The following ABLIM1 variants were observed in gnomAD, a reference collection of about 807,000 sequenced individuals.
The protein encoded by ABLIM1 is actin-binding LIM protein 1.
In ABLIM1, 40 loss-of-function variants were observed where a neutral mutation model predicts 107.0. The observed-to-expected ratio is 0.37, with a 90% CI of 0.29 to 0.49. The LOEUF (loss-of-function observed/expected upper bound fraction) is 0.49, where lower values mean the gene tolerates loss of function less well. Among genes scored for constraint, ABLIM1 ranks in the 20% least tolerant of loss-of-function variants. The pLI is 0.97. For missense variants in ABLIM1, 857 were observed against 1,008.5 expected, an observed-to-expected ratio of 0.85 and a Z score of 2.04; for synonymous variants, 357 against 357.3, an observed-to-expected ratio of 1.00 and a Z score of 0.01.
intron 12 of ABLIM1, among the ~76,000 whole-genome samples, chr10:114,463,886 AAAT>A (rs2064512017): frequency 6.6e-6 from 1 of 152,202 alleles, no homozygotes; most frequent in African/African-American, 2.4e-5. Context: ...GCAGCCTTCA[AAAT>A]AATAACTTTA....
chr10:114,519,167 C>T (rs1436896431), intron 6 of ABLIM1, among the ~76,000 whole-genome samples: 4 of 152,168 alleles, frequency 2.6e-5, no homozygotes, highest in South Asian at 2.1e-4. Flanking sequence ...CACTGAGCTG[C>T]TCTGAGGTCT....
At chr10:114,493,889 C>A (rs1295991399) in intron 6 of ABLIM1, among the ~76,000 whole-genome samples, 1 of 152,194 alleles carries the variant, frequency 6.6e-6, no homozygotes, top group African/African-American at 2.4e-5. Context: ...TCTCTATAGA[C>A]CTTGACAGGC....
At chr10:114,503,526 T>C (rs553255074) in intron 6 of ABLIM1, among the ~76,000 whole-genome samples, 1 of 152,164 alleles carries the variant, frequency 6.6e-6, no homozygotes, top group Non-Finnish European at 1.5e-5. Flanking sequence ...TTTTGGTAAA[T>C]TATATACATA....
At chr10:114,780,430 G>T in the ABLIM1 span, among the ~76,000 whole-genome samples, 1 of 152,266 alleles carries the variant, frequency 6.6e-6, no homozygotes, top group African/African-American at 2.4e-5. Flanking sequence ...AAAAGGGCTG[G>T]GGAAGCAGAC....
At chr10:114,467,476 T>G (rs2065424629) in intron 11 of ABLIM1, among the ~76,000 whole-genome samples, 1 of 152,216 alleles carries the variant, frequency 6.6e-6, no homozygotes, top group Non-Finnish European at 1.5e-5. Context: ...GGGGAAACTT[T>G]GGCTTGATAC....
intron 1 of ABLIM1, among the ~76,000 whole-genome samples, chr10:114,626,710 A>G (rs1478233732): frequency 1.3e-5 from 2 of 152,142 alleles, no homozygotes; most frequent in African/African-American, 4.8e-5. Context: ...AAACTCATCT[A>G]TTGAAGTCCG....
rs928951659 is a variant in ABLIM1, at chr10:114,629,867, G to A, written c.245-27906C>T. ...ACAAACAAACAAACAAAAATGAAAC[G>A]AAACGAAACAAACCTGCCTTTCTCT... On this transcript the variant is annotated intron_variant, in intron 1 of 22. Transcript: ENST00000533213. The surrounding 1 kb of genome is among the most constrained non-coding windows in gnomAD (Gnocchi z 4.0). 2.6e-5 allele frequency among the ~76,000 whole-genome samples: 4 copies of A among 152,088 alleles called. No homozygotes were observed. Among genetic ancestry groups the A allele is most frequent in the African/African-American group, 4.8e-5 (2 of 41,390 alleles).
chr10:114,556,236 C>T (rs2068712953), intron 4 of ABLIM1, among the ~76,000 whole-genome samples: 2 of 152,100 alleles, frequency 1.3e-5, no homozygotes, highest in South Asian at 2.1e-4. Context: ...TCATTCTATC[C>T]GAAAGAGAAA....
chr10:114,712,353 G>GAAAAAAAA (rs10583793), intron 1 of ABLIM1, among the ~76,000 whole-genome samples: 4 of 44,094 alleles, frequency 9.1e-5, no homozygotes, highest in East Asian at 6.0e-4. Context: ...ACTCCGTCTC[G>GAAAAAAAA]AAAAAAAAAA....
chr10:114,553,373 G>T (rs897739292), intron 4 of ABLIM1, among the ~76,000 whole-genome samples: 2 of 152,156 alleles, frequency 1.3e-5, no homozygotes, highest in Non-Finnish European at 2.9e-5. Flanking sequence ...GGAATTTTTG[G>T]CTAAAACCTC....
the ABLIM1 span, among the ~76,000 whole-genome samples, chr10:114,780,204 T>C: frequency 6.6e-6 from 1 of 152,148 alleles, no homozygotes; most frequent in African/African-American, 2.4e-5. Flanking sequence ...GAATAAACAG[T>C]GTCCTTGAGA....
At chr10:114,648,320 T>A (rs1337202306) in intron 1 of ABLIM1, among the ~76,000 whole-genome samples, 1 of 152,098 alleles carries the variant, frequency 6.6e-6, no homozygotes, top group Non-Finnish European at 1.5e-5. Context: ...ATGTGATATA[T>A]CCCTACAATG....
At chr10:114,761,553 TC>T (rs2082746983) in intron 1 of ABLIM1, among the ~76,000 whole-genome samples, 1 of 152,066 alleles carries the variant, frequency 6.6e-6, no homozygotes, top group Non-Finnish European at 1.5e-5. Context: ...AGCCCTCCTC[TC>T]CCTTCTCATC....
At chr10:114,490,811 TA>T (rs2058813597) in intron 7 of ABLIM1, among the ~76,000 whole-genome samples, 1 of 150,850 alleles carries the variant, frequency 6.6e-6, no homozygotes, top group African/African-American at 2.4e-5. Context: ...TATGTATGCT[TA>T]TTTTTTTTGT....
intron 13 of ABLIM1, among the ~76,000 whole-genome samples, chr10:114,452,566 T>A (rs189059929): frequency 6.6e-6 from 1 of 152,340 alleles, no homozygotes; most frequent in Admixed American, 6.5e-5. Flanking sequence ...ATTCTAAATA[T>A]GTACACTTAC....
chr10:114,467,093 A>T (rs1216248578), intron 11 of ABLIM1, among the ~76,000 whole-genome samples: 1 of 152,162 alleles, frequency 6.6e-6, no homozygotes, highest in Non-Finnish European at 1.5e-5. Context: ...CAGGAGGCAG[A>T]GGTTGCAGTG....
the ABLIM1 span, among the ~76,000 whole-genome samples, chr10:114,795,949 C>G: frequency 8.5e-5 from 13 of 152,118 alleles, no homozygotes; most frequent in South Asian, 4.1e-4. Flanking sequence ...AAAAGCCAAA[C>G]TATGACCTAT....
intron 1 of ABLIM1, among the ~76,000 whole-genome samples, chr10:114,636,055 T>C (rs1027753661): frequency 2.0e-5 from 3 of 152,154 alleles, no homozygotes; most frequent in Non-Finnish European, 4.4e-5. Flanking sequence ...GGAGGAGATA[T>C]ATGCACACAC....
the ABLIM1 span, among the ~76,000 whole-genome samples, chr10:114,781,585 T>C: frequency 6.6e-6 from 1 of 150,954 alleles, no homozygotes; most frequent in Non-Finnish European, 1.5e-5. Context: ...TATGTGTGTG[T>C]GAATATGTGT....
Sources: allele counts gnomAD v4.1 joint callset (sites outside exome capture counted in the v4.1 genomes callset), GRCh38; gene constraint gnomAD v4.1.1; non-coding constraint Gnocchi (gnomAD v3.1); transcripts MANE v1.5; gene names NCBI Gene and HGNC (gene_info 2026-07-23, HGNC 2026-07-21).